FOXK2: variants seen among roughly 807,000 people sequenced by gnomAD.
The protein encoded by FOXK2 is forkhead box K2.
In FOXK2, 24 loss-of-function variants were observed where a neutral mutation model predicts 53.3. The ratio of observed to expected loss-of-function variants is 0.45; its 90% CI spans 0.33 to 0.63. The LOEUF is 0.63. FOXK2 is among the 30% of genes least tolerant of loss of function. The pLI is 0.03. For missense variants in FOXK2, 952 were observed against 910.5 expected, an observed-to-expected ratio of 1.05 and a Z score of -0.59; for synonymous variants, 505 against 407.1, an observed-to-expected ratio of 1.24 and a Z score of -2.89.
At chr17:82,593,351 A>AGGAAGGAG (rs2045274930) in intron 8 of FOXK2, 1 of 138,922 alleles carries the variant, frequency 7.2e-6, no homozygotes, top group Admixed American at 7.2e-5. Flanking sequence ...TCTGGAAGGA[A>AGGAAGGAG]GGAAGGAGGG....
chr17:82,582,319 C>T (rs1412168990), intron 4 of FOXK2, among the ~76,000 whole-genome samples: 1 of 152,164 alleles, frequency 6.6e-6, no homozygotes. Context: ...CTGTTGCCAG[C>T]TCTCCACCCT....
intron 8 of FOXK2, among the ~76,000 whole-genome samples, chr17:82,596,539 C>T (rs1390777463): frequency 6.6e-6 from 1 of 152,280 alleles, no homozygotes; most frequent in Admixed American, 6.5e-5. Context: ...TTTCCAGACG[C>T]ACTTTCTGCG....
chr17:82,528,721 A>G (rs555283300), intron 1 of FOXK2, among the ~76,000 whole-genome samples: 44 of 152,346 alleles, frequency 2.9e-4, no homozygotes, highest in Middle Eastern at 3.4e-3. Context: ...CGTGCACGTC[A>G]GTTTAGAGTG....
At chr17:82,555,066 A>G (rs2044710996) in intron 1 of FOXK2, among the ~76,000 whole-genome samples, 1 of 152,204 alleles carries the variant, frequency 6.6e-6, no homozygotes, top group Non-Finnish European at 1.5e-5. Flanking sequence ...AAGTACTTTT[A>G]GGAACACACA....
chr17:82,522,237 C>T (rs1436485784), intron 1 of FOXK2, among the ~76,000 whole-genome samples: 1 of 151,700 alleles, frequency 6.6e-6, no homozygotes, highest in Non-Finnish European at 1.5e-5. Flanking sequence ...ATCCTCCTGC[C>T]CCAGTGCTCA....
At chr17:82,577,824 G>T (rs2143070033) in intron 4 of FOXK2, among the ~76,000 whole-genome samples, 1 of 152,226 alleles carries the variant, frequency 6.6e-6, no homozygotes, top group East Asian at 1.9e-4. Context: ...TGCAACCTTT[G>T]CCTCCTGGGT....
At position 82,569,936 on chromosome 17, in the gene FOXK2, G is replaced by A. The variant is rs535598201; in HGVS notation, c.762+1735G>A. Among the ~76,000 whole-genome samples the A allele has an allele frequency of 6.6e-5, 10 of 151,938 alleles. No individual in the cohort carries two copies. The East Asian group carries it at 1.9e-3, about 30-fold the overall frequency. On this transcript the variant is annotated intron_variant, in intron 3 of 8. Transcript: ENST00000335255. The stretch of plus-strand genomic sequence containing the variant: ...CATTTTTCTGTTTAAAAAAAAAAGC[G>A]ATAGGCTGGGCGCAGTGGCTCACGC...
chr17:82,568,090 G>T lies in FOXK2; in HGVS notation c.651G>T (p.Ala217=), dbSNP rs778588122. Residue 217 remains alanine, a synonymous_variant, in exon 3 of 9, where the codon GCG becomes GCT. Coordinates refer to ENST00000335255, the MANE Select transcript of FOXK2 (RefSeq NM_004514.4). Reference sequence around the variant, plus strand: ...CCTGCCCCTCCAGCCCCCGGGGAGCGGGGTCTTCAGGGTACAAGGTGGGCC... The same window carrying T: ...CCTGCCCCTCCAGCCCCCGGGGAGCTGGGTCTTCAGGGTACAAGGTGGGCC... The part of the protein sequence containing the change: ...ANSCPSSPRG[A]GSSGYKVGRV... 3 of 1,612,018 alleles carry T rather than the reference G, an allele frequency of 1.9e-6. No individual in the cohort carries two copies. The Admixed American group carries it at 5.1e-5, about 27-fold the overall frequency.
chr17:82,532,254 C>T (rs1272279209), intron 1 of FOXK2, among the ~76,000 whole-genome samples: 1 of 152,100 alleles, frequency 6.6e-6, no homozygotes, highest in Non-Finnish European at 1.5e-5. Flanking sequence ...AAGCAATTCT[C>T]CTGCCTCAGC....
At chr17:82,559,647 C>G (rs567648461) in intron 1 of FOXK2, among the ~76,000 whole-genome samples, 1 of 152,106 alleles carries the variant, frequency 6.6e-6, no homozygotes, top group Non-Finnish European at 1.5e-5. Flanking sequence ...GAGGAGGTGA[C>G]AGCTGTACAC....
At chr17:82,563,313 G>A (rs2044817035) in intron 1 of FOXK2, 41 bp from the exon 2 acceptor site, 1 of 1,585,420 alleles carries the variant, frequency 6.3e-7, no homozygotes, top group Non-Finnish European at 8.6e-7. Context: ...TGCCCCGGCT[G>A]GAACAGCAAA....
At position 82,571,884 on chromosome 17, in the gene FOXK2, G is replaced by A. The variant is rs114343157; in HGVS notation, c.909+14G>A. 319 of 1,539,616 alleles carry A rather than the reference G, an allele frequency of 2.1e-4. 1 individual carries two copies. In the African/African-American group the frequency reaches 4.1e-3, roughly 20 times the overall value. On this transcript the variant is annotated intron_variant, in intron 4 of 8. Transcript: ENST00000335255. ...AAGGGCTGGCAGGTAAATGCCTTCA[G>A]TTTGTTGTTAAATAGAGGCTGATGG...
At chr17:82,531,922 C>T (rs1224158960) in intron 1 of FOXK2, among the ~76,000 whole-genome samples, 1 of 152,124 alleles carries the variant, frequency 6.6e-6, no homozygotes, top group Non-Finnish European at 1.5e-5. Context: ...CTCACTGCAA[C>T]GTCTGCCTCC....
intron 1 of FOXK2, among the ~76,000 whole-genome samples, chr17:82,538,202 G>A (rs920629017): frequency 1.3e-5 from 2 of 152,042 alleles, no homozygotes; most frequent in Non-Finnish European, 2.9e-5. Flanking sequence ...CAGCCTGGGC[G>A]ACTGAGCAAG....
At chr17:82,595,774 C>T in intron 8 of FOXK2, 2 of 1,289,270 alleles carry the variant, frequency 1.6e-6, no homozygotes, top group Non-Finnish European at 2.0e-6. Flanking sequence ...TCCCACTCCT[C>T]TCCCCAGGGC....
In FOXK2 at chr17:82,603,934, C is replaced by T. The variant is rs2045417804; in HGVS notation, c.*2435C>T. Reference sequence around the variant, plus strand: ...AGACTCCCACACCGGGTTTTCTTGCCCGTCTTTAAGGCACTGTTTCTAAAT... The same window carrying T: ...AGACTCCCACACCGGGTTTTCTTGCTCGTCTTTAAGGCACTGTTTCTAAAT... On this transcript the variant is annotated 3_prime_UTR_variant, in exon 9 of 9. Coordinates refer to ENST00000335255, the MANE Select transcript of FOXK2 (RefSeq NM_004514.4). 6.6e-6 allele frequency: 1 copy of T among 152,122 alleles called. No individual in the cohort carries two copies. The highest frequency in any genetic ancestry group is 1.5e-5 in the Non-Finnish European group (1 of 68,026). The allele number at this position is 152,122 out of a possible 1,614,324, so 9.4% of individuals were successfully genotyped here.
At chr17:82,568,331 G>T (rs774978425) in intron 3 of FOXK2, 130 bp downstream of exon 3, 1 of 1,109,774 alleles carries the variant, frequency 9.0e-7, no homozygotes, top group Non-Finnish European at 1.3e-6. Context: ...GGGGATGTGG[G>T]CTTGATTCTG....
At chr17:82,566,541 G>A (rs1050389601) in intron 2 of FOXK2, among the ~76,000 whole-genome samples, 4 of 152,116 alleles carry the variant, frequency 2.6e-5, no homozygotes, top group Non-Finnish European at 5.9e-5. Flanking sequence ...GCATGAAAAG[G>A]GCACAGAATT....
At chr17:82,541,016 C>T (rs983045617) in intron 1 of FOXK2, among the ~76,000 whole-genome samples, 3 of 152,052 alleles carry the variant, frequency 2.0e-5, no homozygotes, top group Admixed American at 6.6e-5. Flanking sequence ...CGTGTGGCTG[C>T]TGCTTCATTG....
Sources: gnomAD v4.1 joint callset for allele counts (sites outside exome capture counted in the v4.1 genomes callset) on GRCh38, gnomAD v4.1.1 for gene constraint, MANE v1.5 for transcripts, NCBI Gene and HGNC (gene_info 2026-07-23, HGNC 2026-07-21) for gene names.